The following RHOA variants were observed in gnomAD, a reference collection of about 807,000 sequenced individuals.
The protein encoded by RHOA is ras homolog family member A.
Under a neutral mutation model 17.5 loss-of-function variants are expected in RHOA, and 3 were observed. That is an observed-to-expected ratio of 0.17 (90% CI 0.08 to 0.44). RHOA has a LOEUF of 0.44. Among genes scored for constraint, RHOA ranks in the 20% least tolerant of loss-of-function variants. RHOA has a pLI of 0.99. For synonymous variants in RHOA, 98 were observed against 88.4 expected (o/e 1.11, Z -0.61); for missense variants, 56 against 242.3 (o/e 0.23, Z 5.10).
At position 49,394,725 on chromosome 3, in the gene RHOA, G is replaced by T. The variant is rs115594000; in HGVS notation, c.-3+17095C>A. ...ACAGCTTTATCTGGAAAACACTCAG[G>T]GAAAACAGCACAATGTAATTAAGTG... On this transcript the variant is annotated intron_variant, in intron 1 of 4. Transcript: ENST00000418115. Among the ~76,000 whole-genome samples the T allele has an allele frequency of 2.4e-3, 370 of 152,130 alleles. 2 individuals carry two copies. The highest frequency in any genetic ancestry group is 8.6e-3 in the African/African-American group (358 of 41,506).
intron 3 of RHOA, among the ~76,000 whole-genome samples, chr3:49,364,408 C>T (rs1016103651): frequency 2.0e-5 from 3 of 152,122 alleles, no homozygotes; most frequent in African/African-American, 7.2e-5. Flanking sequence ...TCGCTTGAAC[C>T]CGGGAGGCGG....
chr3:49,372,562 GTC>G (rs1283211823), intron 2 of RHOA, among the ~76,000 whole-genome samples: 1 of 151,996 alleles, frequency 6.6e-6, no homozygotes, highest in Non-Finnish European at 1.5e-5. Context: ...GTGAAACCCT[GTC>G]TCTACTAAAA....
chr3:49,379,796 G>A (rs1265004356), intron 1 of RHOA, among the ~76,000 whole-genome samples: 3 of 152,188 alleles, frequency 2.0e-5, no homozygotes, highest in Non-Finnish European at 4.4e-5. Flanking sequence ...GATTACAGGC[G>A]TGAGCCACCG....
chr3:49,406,364 T>C (rs1575290444), intron 1 of RHOA, among the ~76,000 whole-genome samples: 1 of 152,074 alleles, frequency 6.6e-6, no homozygotes, highest in South Asian at 2.1e-4. Context: ...TACAGTAAAA[T>C]AAAAATGTAT....
chr3:49,404,457 C>CACACACACACACACACAA (rs1447646944), intron 1 of RHOA, among the ~76,000 whole-genome samples: 3 of 146,876 alleles, frequency 2.0e-5, no homozygotes, highest in African/African-American at 7.5e-5. Flanking sequence ...CACACACACA[C>CACACACACACACACACAA]AAAATTAGCC....
intron 1 of RHOA, among the ~76,000 whole-genome samples, chr3:49,402,127 G>A (rs562114207): frequency 3.9e-5 from 6 of 152,266 alleles, no homozygotes; most frequent in East Asian, 1.9e-4. Flanking sequence ...GTAACATACC[G>A]TCAAGTTTCC....
intron 2 of RHOA, among the ~76,000 whole-genome samples, chr3:49,371,831 T>G (rs950333292): frequency 2.6e-5 from 4 of 152,198 alleles, no homozygotes; most frequent in Admixed American, 1.3e-4. Flanking sequence ...TCTCTAAATT[T>G]CTTATGGGCA....
intron 2 of RHOA, 143 bp from the exon 3 acceptor site, chr3:49,368,691 A>G (rs1258234366): frequency 9.9e-6 from 8 of 808,282 alleles, no homozygotes; most frequent in African/African-American, 1.8e-5. Context: ...AGGAGTATTT[A>G]CATTTTTTCT....
At chr3:49,386,382 G>A (rs1042873506) in intron 1 of RHOA, among the ~76,000 whole-genome samples, 1 of 152,160 alleles carries the variant, frequency 6.6e-6, no homozygotes, top group African/African-American at 2.4e-5. Context: ...AACAAATAAT[G>A]CAGTTATAAA....
chr3:49,405,129 G>A (rs910967071), intron 1 of RHOA, among the ~76,000 whole-genome samples: 1 of 150,380 alleles, frequency 6.6e-6, no homozygotes, highest in Non-Finnish European at 1.5e-5. Context: ...GTGGTGGCGG[G>A]CACCTGTAGT....
chr3:49,399,976 G>A (rs1044300339), intron 1 of RHOA, among the ~76,000 whole-genome samples: 40 of 151,724 alleles, frequency 2.6e-4, no homozygotes, highest in Admixed American at 1.8e-3. Flanking sequence ...ATCCCAGCAC[G>A]TTGGGAGGCC....
intron 1 of RHOA, among the ~76,000 whole-genome samples, chr3:49,381,729 G>A (rs946372944): frequency 2.0e-5 from 3 of 151,718 alleles, no homozygotes; most frequent in Non-Finnish European, 4.4e-5. Context: ...GCCGGGCATG[G>A]TGGTCCGCAC....
At chr3:49,372,670 G>A (rs2048164506) in intron 2 of RHOA, among the ~76,000 whole-genome samples, 1 of 142,724 alleles carries the variant, frequency 7.0e-6, no homozygotes, top group South Asian at 2.4e-4. Flanking sequence ...GGAGGCAGAG[G>A]TTGCAGTTAG....
intron 1 of RHOA, among the ~76,000 whole-genome samples, chr3:49,397,129 C>CAA (rs141767876): frequency 0.021 from 1,833 of 86,122 alleles, 61 homozygotes; most frequent in African/African-American, 0.073. Context: ...AATCCTGTCT[C>CAA]AAAAAAAAAA....
chr3:49,404,611 CAAAAAAAAAAAAAAAAAAA>C (rs71080508), intron 1 of RHOA, among the ~76,000 whole-genome samples: 1 of 33,166 alleles, frequency 3.0e-5, no homozygotes, highest in Non-Finnish European at 4.9e-5. Context: ...GACTCCGTCT[CAAAAAAAAAAAAAAAAAAA>C]AAAAAAAAGG....
Position 49,360,580 on chromosome 3 carries a change from G to A in RHOA, c.409-198C>T, listed in dbSNP as rs371381108. On this transcript the variant is annotated intron_variant, in intron 4 of 4. Coordinates refer to ENST00000418115, the MANE Select transcript of RHOA (RefSeq NM_001664.4). ...CCTCCTGGGTTCAAGGGATTCTCCC[G>A]CCTCAGCCTCCCGAGTAGCTGGGAC... Among the ~76,000 whole-genome samples the A allele has an allele frequency of 2.8e-4, 42 of 151,942 alleles. No individual in the cohort carries two copies. The South Asian group carries it at 7.9e-3, about 29-fold the overall frequency.
chr3:49,370,164 T>C (rs1192484169), intron 2 of RHOA, among the ~76,000 whole-genome samples: 4 of 152,072 alleles, frequency 2.6e-5, no homozygotes, highest in African/African-American at 9.7e-5. Flanking sequence ...GGAGGACTGC[T>C]TGAGCCCGGG....
intron 1 of RHOA, among the ~76,000 whole-genome samples, chr3:49,402,908 G>A (rs1167835289): frequency 6.6e-6 from 1 of 151,790 alleles, no homozygotes; most frequent in Non-Finnish European, 1.5e-5. Context: ...GTGGTGGCGG[G>A]TGCCTGTAGT....
intron 1 of RHOA, among the ~76,000 whole-genome samples, chr3:49,408,723 G>A (rs920492105): frequency 1.3e-5 from 2 of 151,872 alleles, no homozygotes; most frequent in Non-Finnish European, 2.9e-5. Flanking sequence ...GTAGTTACAA[G>A]CAAACAGTTC....
Sources: gnomAD v4.1 joint callset for allele counts (sites outside exome capture counted in the v4.1 genomes callset) on GRCh38, gnomAD v4.1.1 for gene constraint, MANE v1.5 for transcripts, NCBI Gene and HGNC (gene_info 2026-07-23, HGNC 2026-07-21) for gene names.